The following SCN8A variants were observed in gnomAD, a reference collection of about 807,000 sequenced individuals.
SCN8A encodes the protein sodium voltage-gated channel alpha subunit 8.
A neutral mutation model predicts 184.1 loss-of-function variants in SCN8A; 30 were observed. That is an observed-to-expected ratio of 0.16 (90% confidence interval 0.12 to 0.22). The LOEUF is 0.22. Ranked by LOEUF, SCN8A falls within the 10% of genes least tolerant of loss-of-function variation. The pLI is 1.00. For missense variants in SCN8A, 1,057 were observed against 2,498.9 expected (o/e 0.42, Z 12.30); for synonymous variants, 852 against 907.0 (o/e 0.94, Z 1.09).
chr12:51,769,382 C>G lies in SCN8A; in HGVS notation c.3372+47C>G, dbSNP rs200087940. 53 of 1,390,886 alleles carry G rather than the reference C, an allele frequency of 3.8e-5. No individual in the cohort carries two copies. The African/African-American group carries it at 6.7e-4, about 18-fold the overall frequency. 86.2% of individuals were successfully genotyped at this position (1,390,886 alleles called of 1,614,324 possible). On this transcript the variant is annotated intron_variant, in intron 17 of 26. Coordinates refer to ENST00000627620, the MANE Select transcript of SCN8A (RefSeq NM_001330260.2). ...AGCCTTGATCCTGTGTGAGAGCAAA[C>G]AGGGTGCTGTCAGCCTTGGGGATTG...
intron 2 of SCN8A, among the ~76,000 whole-genome samples, chr12:51,665,552 T>G (rs1017984130): frequency 1.3e-5 from 2 of 152,228 alleles, no homozygotes; most frequent in Non-Finnish European, 2.9e-5. Context: ...ATTGTACTTT[T>G]AAATGAAGGA....
At chr12:51,712,429 C>T in intron 11 of SCN8A, 1 of 764,052 alleles carries the variant, frequency 1.3e-6, no homozygotes, top group Non-Finnish European at 2.4e-6. Context: ...CGCGCTCTCT[C>T]CTGCTGAGAA....
chr12:51,800,499 T>C (rs1213603902), intron 26 of SCN8A, among the ~76,000 whole-genome samples: 2 of 152,234 alleles, frequency 1.3e-5, no homozygotes, highest in Non-Finnish European at 2.9e-5. Context: ...ACTGTTTTTC[T>C]AGGTAGAAGC....
chr12:51,670,096 A>G (rs1229641898), intron 2 of SCN8A, among the ~76,000 whole-genome samples: 2 of 152,238 alleles, frequency 1.3e-5, no homozygotes, highest in African/African-American at 4.8e-5. Context: ...TACCAAATCA[A>G]ATTGAGATAA....
intron 2 of SCN8A, among the ~76,000 whole-genome samples, chr12:51,667,571 A>G (rs1941056705): frequency 6.6e-6 from 1 of 152,190 alleles, no homozygotes; most frequent in African/African-American, 2.4e-5. Flanking sequence ...TGAAAAATTA[A>G]GGACTTTTTC....
chr12:51,663,111 G>C lies in SCN8A; in HGVS notation c.276+18G>C, dbSNP rs1385883232. On this transcript the variant is annotated intron_variant, in intron 2 of 26. Coordinates refer to ENST00000627620, the MANE Select transcript of SCN8A (RefSeq NM_001330260.2). ...CGCAGAAAGTGAGTTGGAGGAGGAG[G>C]AGCAGCTGCAGATACCTGTTTCCTA... 1.2e-6 allele frequency: 2 copies of C among 1,611,748 alleles called. No individual in the cohort carries two copies. Among genetic ancestry groups the C allele is most frequent in the East Asian group, 2.2e-5 (1 of 44,846 alleles).
intron 21 of SCN8A, among the ~76,000 whole-genome samples, chr12:51,783,929 GA>G (rs1383601133): frequency 6.6e-6 from 1 of 152,214 alleles, no homozygotes; most frequent in East Asian, 1.9e-4. Flanking sequence ...ACTTTTTATA[GA>G]TTACTAAAAC....
intron 13 of SCN8A, among the ~76,000 whole-genome samples, chr12:51,751,097 C>G (rs908116990): frequency 1.3e-5 from 2 of 152,144 alleles, no homozygotes; most frequent in African/African-American, 4.8e-5. Context: ...AGAGGCCAAG[C>G]TCTTGACCTC....
At chr12:51,780,866 C>T (rs975166155) in intron 21 of SCN8A, 95 bp downstream of exon 21, 165 of 1,322,880 alleles carry the variant, frequency 1.2e-4, no homozygotes, top group Non-Finnish European at 1.5e-4. Context: ...CATTCAAACA[C>T]GAATTCTGTG....
At chr12:51,648,511 T>C (rs1277573095) in intron 1 of SCN8A, among the ~76,000 whole-genome samples, 1 of 152,076 alleles carries the variant, frequency 6.6e-6, no homozygotes, top group Non-Finnish European at 1.5e-5. Flanking sequence ...GAAAAAGAGG[T>C]TTAATTGGAC....
In SCN8A at chr12:51,591,347, C is replaced by T. The variant is rs374729451; in HGVS notation, c.-67C>T. 1.2e-4 allele frequency: 19 copies of T among 155,530 alleles called. No homozygotes were observed. The East Asian group carries it at 1.7e-3, about 14-fold the overall frequency. 9.6% of individuals were successfully genotyped at this position (155,530 alleles called of 1,614,324 possible). On this transcript the variant is annotated 5_prime_UTR_variant, in exon 1 of 27. Transcript: ENST00000627620. ...TTAGGGCCGCCGCTGCCTCCCTCGC[C>T]GCCGCCGCTGCCGTAAGTCGCCCCA...
At chr12:51,789,517 C>T in intron 24 of SCN8A, 99 bp downstream of exon 24, 1 of 1,311,688 alleles carries the variant, frequency 7.6e-7, no homozygotes, top group Non-Finnish European at 1.1e-6. Flanking sequence ...CTTTCTTTCT[C>T]TAAAATCTAT....
intron 26 of SCN8A, 139 bp downstream of exon 26, chr12:51,794,780 C>T: frequency 1.3e-6 from 1 of 785,222 alleles, no homozygotes; most frequent in Admixed American, 2.7e-5. Flanking sequence ...ATGTGTGCCC[C>T]TGAGTCATCT....
intron 1 of SCN8A, among the ~76,000 whole-genome samples, chr12:51,602,908 A>G (rs983919400): frequency 1.3e-5 from 2 of 152,240 alleles, no homozygotes; most frequent in Non-Finnish European, 2.9e-5. Context: ...TTGAAGTTCT[A>G]GCTCATGAAT....
At chr12:51,653,151 C>T (rs1940753090) in intron 1 of SCN8A, among the ~76,000 whole-genome samples, 1 of 152,270 alleles carries the variant, frequency 6.6e-6, no homozygotes, top group Middle Eastern at 3.4e-3. Context: ...GAAACCCAGT[C>T]TCTACTAAAA....
intron 22 of SCN8A, among the ~76,000 whole-genome samples, chr12:51,787,478 A>AG (rs1266992102): frequency 4.6e-5 from 7 of 152,232 alleles, no homozygotes; most frequent in Admixed American, 2.0e-4. Context: ...AGACTGTTAT[A>AG]GATTTGAACA....
At position 51,706,454 on chromosome 12, in the gene SCN8A, C is replaced by A; in HGVS notation, c.1374C>A (p.Val458=). 6.2e-7 allele frequency: 1 copy of A among 1,601,938 alleles called. No individual in the cohort carries two copies. The highest frequency in any genetic ancestry group is 8.5e-7 in the Non-Finnish European group (1 of 1,174,692). Residue 458 remains valine, a synonymous_variant, in exon 11 of 27, where the codon GTC becomes GTA. Coordinates refer to ENST00000627620, the MANE Select transcript of SCN8A (RefSeq NM_001330260.2). ...CGATGGCCACTTCAGCAGGAACTGT[C>A]TCAGAAGATGCCATAGAGGAAGAAG... ...AAAMATSAGT[V]SEDAIEEEGE...
At chr12:51,700,011 A>G (rs1382710477) in intron 7 of SCN8A, among the ~76,000 whole-genome samples, 3 of 151,976 alleles carry the variant, frequency 2.0e-5, no homozygotes, top group Non-Finnish European at 4.4e-5. Context: ...TACTAAAAAT[A>G]CAAAATTAGC....
intron 1 of SCN8A, among the ~76,000 whole-genome samples, chr12:51,635,261 C>T (rs1456947709): frequency 6.6e-6 from 1 of 152,256 alleles, no homozygotes; most frequent in Non-Finnish European, 1.5e-5. Flanking sequence ...CTCTACAACA[C>T]ACTTGCCCCT....
Sources: allele counts gnomAD v4.1 joint callset (sites outside exome capture counted in the v4.1 genomes callset), GRCh38; gene constraint gnomAD v4.1.1; transcripts MANE v1.5; gene names NCBI Gene and HGNC (gene_info 2026-07-23, HGNC 2026-07-21).